Variants in OR56A3 observed in about 807,000 individuals in gnomAD.
The protein encoded by OR56A3 is olfactory receptor family 56 subfamily A member 3.
In OR56A3, 23 loss-of-function variants were observed where a neutral mutation model predicts 17.5. That is an observed-to-expected ratio of 1.32 (90% CI 0.95 to 1.87). OR56A3 has a LOEUF of 1.87. Ranked by LOEUF, OR56A3 falls within the 40% of genes most tolerant of loss-of-function variation. The pLI is 0.00. For missense variants in OR56A3, 366 were observed against 380.1 expected (o/e 0.96, Z 0.31); for synonymous variants, 175 against 150.6 (o/e 1.16, Z -1.19).
Position 5,947,339 on chromosome 11 carries a change from G to A in OR56A3, c.-8G>A, listed in dbSNP as rs762120998. On this transcript the variant is annotated 5_prime_UTR_variant, in exon 3 of 3. The change abolishes an upstream ATG in the 5' untranslated region. Coordinates refer to ENST00000641160, the MANE Select transcript of OR56A3 (RefSeq NM_001003443.3). ...ACTGAAAGAAAGCAGTAAAATATAT[G>A]GGAAAATATGACAACACACCGAAAT... 1.3e-6 allele frequency: 2 copies of A among 1,570,148 alleles called. No homozygotes were observed. The highest frequency in any genetic ancestry group is 1.2e-5 in the South Asian group (1 of 86,408).
chr11:5,993,497 T>A, the OR56A3 span, among the ~76,000 whole-genome samples: 1 of 152,158 alleles, frequency 6.6e-6, no homozygotes, highest in Non-Finnish European at 1.5e-5. Context: ...CCTCCTAGAC[T>A]CAGTTTTCCT....
chr11:5,982,917 G>A, the OR56A3 span, among the ~76,000 whole-genome samples: 3 of 152,286 alleles, frequency 2.0e-5, no homozygotes, highest in East Asian at 5.8e-4. Context: ...GCAACCCCAT[G>A]CAGGATTTCC....
At chr11:5,975,936 A>C in the OR56A3 span, among the ~76,000 whole-genome samples, 2,712 of 152,050 alleles carry the variant, frequency 0.018, 73 homozygotes, top group African/African-American at 0.06. Flanking sequence ...GAAATATAGA[A>C]ACATCCACAT....
At chr11:5,987,107 C>G in the OR56A3 span, 1 of 627,632 alleles carries the variant, frequency 1.6e-6, no homozygotes, top group Non-Finnish European at 2.8e-6. Context: ...TGAATTAATA[C>G]AAGCTTAGTT....
the OR56A3 span, among the ~76,000 whole-genome samples, chr11:6,008,032 T>A: frequency 1.3e-5 from 2 of 152,304 alleles, no homozygotes; most frequent in African/African-American, 4.8e-5. Context: ...CATAGAGCAA[T>A]GCCTGGCATT....
rs1222248017 is a variant in OR56A3 at position 5,951,022 on chromosome 11, G to A, written c.*2728G>A. The A allele has an allele frequency of 6.6e-6, 1 of 152,094 alleles. No homozygotes were observed. The highest frequency in any genetic ancestry group is 1.9e-4 in the East Asian group (1 of 5,198). The allele number at this position is 152,094 out of a possible 1,614,324, so 9.4% of individuals were successfully genotyped here. On this transcript the variant is annotated 3_prime_UTR_variant, in exon 3 of 3. Coordinates refer to ENST00000641160, the MANE Select transcript of OR56A3 (RefSeq NM_001003443.3). The stretch of plus-strand genomic sequence containing the variant: ...TTTATATGTTTTGCCAAGGAAGTCA[G>A]GGTTTTAGAGGAGAGTAAAGTTTTT...
the OR56A3 span, chr11:5,994,785 C>G: frequency 1.3e-6 from 1 of 755,834 alleles, no homozygotes. Flanking sequence ...AAGTAATGTC[C>G]CCAGTCTACC....
At chr11:5,968,405 C>T in the OR56A3 span, 1 of 1,611,434 alleles carries the variant, frequency 6.2e-7, no homozygotes, top group Non-Finnish European at 8.5e-7. Context: ...GGGGCAGAGA[C>T]AGCCAGTGCT....
the OR56A3 span, among the ~76,000 whole-genome samples, chr11:5,957,115 A>G: frequency 1.8e-4 from 27 of 152,176 alleles, no homozygotes; most frequent in African/African-American, 6.3e-4. Flanking sequence ...GCACAATTCC[A>G]TTCCAGCCTG....
At chr11:5,970,444 G>C in the OR56A3 span, among the ~76,000 whole-genome samples, 1 of 152,166 alleles carries the variant, frequency 6.6e-6, no homozygotes, top group Non-Finnish European at 1.5e-5. Context: ...ACAGTTTCAT[G>C]TGAAGAGAGA....
At chr11:5,967,750 T>A in the OR56A3 span, 1 of 1,606,854 alleles carries the variant, frequency 6.2e-7, no homozygotes, top group Non-Finnish European at 8.5e-7. Flanking sequence ...AGGATGAGGA[T>A]GAAGTGGGAA....
chr11:5,945,512 G>T (rs889152199), intron 2 of OR56A3, among the ~76,000 whole-genome samples: 1 of 151,374 alleles, frequency 6.6e-6, no homozygotes, highest in Non-Finnish European at 1.5e-5. Context: ...AACCTGGGAG[G>T]CGGAGGTTGC....
At chr11:6,001,493 G>C in the OR56A3 span, 1 of 152,304 alleles carries the variant, frequency 6.6e-6, no homozygotes. Flanking sequence ...AGAATTTTAG[G>C]AGCCAGTGAA....
At chr11:6,014,424 G>A in the OR56A3 span, among the ~76,000 whole-genome samples, 1 of 152,316 alleles carries the variant, frequency 6.6e-6, no homozygotes, top group South Asian at 2.1e-4. Flanking sequence ...TTGTTTAAAA[G>A]TATGTAGCAC....
chr11:5,994,386 C>A, the OR56A3 span: 4 of 714,038 alleles, frequency 5.6e-6, no homozygotes, highest in Non-Finnish European at 1.0e-5. Context: ...TCTGTTCTTC[C>A]CAGCCAGCTC....
chr11:5,990,453 A>T, the OR56A3 span, among the ~76,000 whole-genome samples: 1 of 152,180 alleles, frequency 6.6e-6, no homozygotes, highest in South Asian at 2.1e-4. Flanking sequence ...ATAAGAGAAG[A>T]TGGTGAAATC....
chr11:5,967,461 C>T, the OR56A3 span: 3 of 919,600 alleles, frequency 3.3e-6, no homozygotes, highest in Admixed American at 2.9e-5. Context: ...AACTTATTCT[C>T]GCAGTAACAA....
At chr11:5,973,713 G>A in the OR56A3 span, among the ~76,000 whole-genome samples, 262 of 152,082 alleles carry the variant, frequency 1.7e-3, 1 homozygote, top group Middle Eastern at 6.8e-3. Flanking sequence ...CAAATCTCTT[G>A]TATTCTTTGA....
At chr11:5,971,984 A>G in the OR56A3 span, among the ~76,000 whole-genome samples, 1 of 152,226 alleles carries the variant, frequency 6.6e-6, no homozygotes, top group Admixed American at 6.5e-5. Flanking sequence ...AAAAAAAGTC[A>G]CAAGGAAGTC....
Sources: allele counts gnomAD v4.1 joint callset (sites outside exome capture counted in the v4.1 genomes callset), GRCh38; gene constraint gnomAD v4.1.1; transcripts MANE v1.5; gene names NCBI Gene and HGNC (gene_info 2026-07-23, HGNC 2026-07-21).